Variants in ABHD6 observed in about 807,000 individuals in gnomAD.
ABHD6 encodes the protein abhydrolase domain containing 6, acylglycerol lipase, also known as monoacylglycerol lipase ABHD6.
A neutral mutation model predicts 38.8 loss-of-function variants in ABHD6; 33 were observed. The ratio of observed to expected loss-of-function variants is 0.85; its 90% CI spans 0.64 to 1.14. The LOEUF (loss-of-function observed/expected upper bound fraction) is 1.14. Ranked by LOEUF, ABHD6 falls within the 50% of genes most tolerant of loss-of-function variation. The pLI is 0.00. For missense variants in ABHD6, 380 were observed against 422.6 expected (o/e 0.90, Z 0.88); for synonymous variants, 147 against 161.6 (o/e 0.91, Z 0.69).
Position 58,285,385 on chromosome 3 carries a change from T to C in ABHD6, c.769T>C (p.Tyr257His), listed in dbSNP as rs1354993737. 1.2e-6 allele frequency: 2 copies of C among 1,614,170 alleles called. No homozygotes were observed. ...GGAAATCGTCAGTGAGAAGTCCAGA[T>C]ACTCTCTCCATCAGAACATGGACAA... ...FLEIVSEKSR[Y>H]SLHQNMDKIK... The change falls in exon 9 of 10, where the codon TAC becomes CAC. Residue 257 changes from tyrosine to histidine, a missense_variant. Coordinates refer to ENST00000478253, the MANE Select transcript of ABHD6 (RefSeq NM_001320126.2). The surrounding 1 kb of genome is among the most constrained non-coding windows in gnomAD (Gnocchi z 4.9).
chr3:58,271,330 A>AT (rs1413522160), intron 6 of ABHD6, among the ~76,000 whole-genome samples: 1 of 65,892 alleles, frequency 1.5e-5, no homozygotes, highest in Non-Finnish European at 2.7e-5. Context: ...AACATTTAAA[A>AT]TTTAAAAAAA....
chr3:58,247,550 G>C (rs963330396), intron 1 of ABHD6, among the ~76,000 whole-genome samples: 1 of 152,050 alleles, frequency 6.6e-6, no homozygotes, highest in Non-Finnish European at 1.5e-5. Context: ...TGAGGAGTTT[G>C]TATTGTAGTT....
chr3:58,284,603 A>G (rs1339578494), intron 7 of ABHD6, among the ~76,000 whole-genome samples: 1 of 152,006 alleles, frequency 6.6e-6, no homozygotes, highest in Non-Finnish European at 1.5e-5. Context: ...GGCCTGCACC[A>G]TCACATCCTG....
At chr3:58,277,644 A>C (rs1450715147) in intron 7 of ABHD6, among the ~76,000 whole-genome samples, 1 of 152,224 alleles carries the variant, frequency 6.6e-6, no homozygotes, top group Non-Finnish European at 1.5e-5. Flanking sequence ...TTCCAACACT[A>C]TATTGAATAG....
intron 7 of ABHD6, among the ~76,000 whole-genome samples, chr3:58,277,815 A>G (rs1405664338): frequency 6.6e-6 from 1 of 152,190 alleles, no homozygotes. Context: ...AGTTTTTAGC[A>G]TGAAGGGGTG....
intron 3 of ABHD6, among the ~76,000 whole-genome samples, chr3:58,261,203 T>C (rs763312092): frequency 5.3e-5 from 8 of 152,156 alleles, no homozygotes; most frequent in Non-Finnish European, 1.2e-4. Flanking sequence ...AGTTCACTTA[T>C]ATAAATATAA....
At chr3:58,246,999 AT>A (rs934970941) in intron 1 of ABHD6, among the ~76,000 whole-genome samples, 1 of 150,472 alleles carries the variant, frequency 6.6e-6, no homozygotes, top group African/African-American at 2.5e-5. Flanking sequence ...TTTCCTCATA[AT>A]GAAAAACAGT....
chr3:58,251,037 C>T lies in ABHD6; in HGVS notation c.-26+1095C>T, dbSNP rs548284942. 1.2e-4 allele frequency among the ~76,000 whole-genome samples: 18 copies of T among 152,160 alleles called. No individual in the cohort carries two copies. The South Asian group carries it at 3.1e-3, about 26-fold the overall frequency. ...TTACTGTCAGCAGAAATCAGTAAGT[C>T]GGCTAGGTGCAGAAGCTTGCGCCTG... On this transcript the variant is annotated intron_variant, in intron 2 of 9. Coordinates refer to ENST00000478253, the MANE Select transcript of ABHD6 (RefSeq NM_001320126.2). The surrounding 1 kb of genome is among the most constrained non-coding windows in gnomAD (Gnocchi z 5.4).
At chr3:58,268,664 A>G (rs1407030074) in intron 4 of ABHD6, among the ~76,000 whole-genome samples, 4 of 152,166 alleles carry the variant, frequency 2.6e-5, no homozygotes, top group African/African-American at 9.7e-5. Context: ...GAGGACAGTC[A>G]TTTTCATGCC....
Position 58,253,075 on chromosome 3 carries a change from CTT to C in ABHD6, c.-26+3135_-26+3136del, listed in dbSNP as rs1319751364. Among the ~76,000 whole-genome samples, 6 of 152,078 alleles carry C rather than the reference CTT, an allele frequency of 3.9e-5. No homozygotes were observed. The East Asian group carries it at 9.6e-4, about 24-fold the overall frequency. On this transcript the variant is annotated intron_variant, in intron 2 of 9. Coordinates refer to ENST00000478253, the MANE Select transcript of ABHD6 (RefSeq NM_001320126.2). ...TTCTACAAAAGCTGCTTATGGAAGA[CTT>C]TATTCTGCTGTTAAATAGAAGATGG...
intron 1 of ABHD6, among the ~76,000 whole-genome samples, chr3:58,240,421 A>G (rs559712100): frequency 2.6e-5 from 4 of 151,722 alleles, no homozygotes; most frequent in African/African-American, 9.7e-5. Context: ...TATTTTGGTG[A>G]TTAGATCAAT....
Position 58,293,715 on chromosome 3 carries a change from G to A in ABHD6, c.964G>A (p.Asp322Asn), listed in dbSNP as rs144907290. ...RPRKTAKLII[D>N]FLASVHNTDN... is the part of the protein sequence containing the mutation. ...CAGGAAGACAGCCAAGCTCATAATC[G>A]ACTTTTTAGCTTCTGTGCACAACAC... Residue 322 changes from aspartate (D) to asparagine (N), a missense_variant, in exon 10 of 10, where the codon GAC becomes AAC. Transcript: ENST00000478253. The surrounding 1 kb of genome is among the most constrained non-coding windows in gnomAD (Gnocchi z 4.4). 2.4e-4 allele frequency: 380 copies of A among 1,614,076 alleles called. No homozygotes were observed. Among genetic ancestry groups the A allele is most frequent in the Non-Finnish European group, 2.9e-4 (347 of 1,180,042 alleles).
intron 3 of ABHD6, among the ~76,000 whole-genome samples, chr3:58,264,676 G>A (rs1292506587): frequency 6.6e-6 from 1 of 152,004 alleles, no homozygotes; most frequent in Non-Finnish European, 1.5e-5. Flanking sequence ...GGGTGACAGA[G>A]TAAGACCCCA....
At chr3:58,286,848 G>GTATATATATATATATATATA (rs60071781) in intron 9 of ABHD6, among the ~76,000 whole-genome samples, 119 of 69,956 alleles carry the variant, frequency 1.7e-3, no homozygotes, top group African/African-American at 3.2e-3. Flanking sequence ...GTGTGTGTGT[G>GTATATATATATATATATATA]TGTGTATATA....
chr3:58,279,781 C>A (rs768972197), intron 7 of ABHD6, among the ~76,000 whole-genome samples: 42 of 152,284 alleles, frequency 2.8e-4, no homozygotes, highest in Non-Finnish European at 5.4e-4. Context: ...GTAAGACAGG[C>A]CTGGTGGTGA....
At chr3:58,282,490 G>T (rs887345214) in intron 7 of ABHD6, among the ~76,000 whole-genome samples, 3 of 152,182 alleles carry the variant, frequency 2.0e-5, no homozygotes, top group African/African-American at 7.2e-5. Context: ...CCAGCACTTT[G>T]GGAGGCCAAG....
rs1193709353 is a variant in ABHD6 at position 58,245,824 on chromosome 3, A to G, written c.-90-4054A>G. Among the ~76,000 whole-genome samples the G allele has an allele frequency of 3.3e-5, 3 of 90,218 alleles. No individual in the cohort carries two copies. In the East Asian group the frequency reaches 2.0e-3, roughly 60 times the overall value. The allele number at this position is 90,218 out of a possible 152,430, so 59.2% of individuals were successfully genotyped here. On this transcript the variant is annotated intron_variant, in intron 1 of 9. Coordinates refer to ENST00000478253, the MANE Select transcript of ABHD6 (RefSeq NM_001320126.2). Reference sequence around the variant, plus strand: ...GGAAGGAGAGAGAAGAAAGAAAGAAAGAAAAAGAAAGAAAGAACAAAAAAA... The same window carrying G: ...GGAAGGAGAGAGAAGAAAGAAAGAAGGAAAAAGAAAGAAAGAACAAAAAAA...
intron 3 of ABHD6, among the ~76,000 whole-genome samples, chr3:58,261,061 T>G (rs1418287248): frequency 1.3e-5 from 2 of 152,288 alleles, no homozygotes; most frequent in African/African-American, 4.8e-5. Context: ...GCGGATGACA[T>G]CAGGTCTGAT....
Position 58,257,147 on chromosome 3 carries a change from A to G in ABHD6, c.119+442A>G, listed in dbSNP as rs1000716963. 1.3e-5 allele frequency among the ~76,000 whole-genome samples: 2 copies of G among 152,024 alleles called. No individual in the cohort carries two copies. The highest frequency in any genetic ancestry group is 4.8e-5 in the African/African-American group (2 of 41,384). On this transcript the variant is annotated intron_variant, in intron 3 of 9. Coordinates refer to ENST00000478253, the MANE Select transcript of ABHD6 (RefSeq NM_001320126.2). This position sits in a 1 kb window ranked among gnomAD's most constrained non-coding sequence, Gnocchi z 4.8. ...GGTCTCCAACTCCTGGCCTCAAGTG[A>G]TCTTCCCATCTTGCCTCTCTAAGTG...
Sources: gnomAD v4.1 joint callset for allele counts (sites outside exome capture counted in the v4.1 genomes callset) on GRCh38, gnomAD v4.1.1 for gene constraint, Gnocchi (gnomAD v3.1) non-coding constraint, MANE v1.5 for transcripts, NCBI Gene and HGNC (gene_info 2026-07-23, HGNC 2026-07-21) for gene names.